PHF21A: variants seen among roughly 807,000 people sequenced by gnomAD.
PHF21A encodes the protein BHC80a.
PHF21A carries 11 observed loss-of-function variants against 82.5 expected under a neutral mutation model. The observed-to-expected ratio is 0.13, with a 90% CI of 0.08 to 0.22. PHF21A has a LOEUF of 0.22. PHF21A is among the 10% of genes least tolerant of loss of function. The pLI, the probability that PHF21A is intolerant of heterozygous loss-of-function variation, is 1.00. For missense variants in PHF21A, 579 were observed against 837.8 expected, an observed-to-expected ratio of 0.69 and a Z score of 3.81; for synonymous variants, 297 against 302.8, an observed-to-expected ratio of 0.98 and a Z score of 0.20.
chr11:46,042,060 A>G (rs1481377953), intron 6 of PHF21A, among the ~76,000 whole-genome samples: 1 of 152,162 alleles, frequency 6.6e-6, no homozygotes, highest in African/African-American at 2.4e-5. Context: ...TTCACAAAAC[A>G]TTTTCTGGAA....
intron 4 of PHF21A, among the ~76,000 whole-genome samples, chr11:46,080,099 C>G (rs2096772430): frequency 6.6e-6 from 1 of 152,054 alleles, no homozygotes; most frequent in Non-Finnish European, 1.5e-5. Context: ...GGTGACAAGG[C>G]ACTTTTAAAT....
chr11:45,947,380 G>A (rs2135419978), intron 14 of PHF21A, among the ~76,000 whole-genome samples: 1 of 152,310 alleles, frequency 6.6e-6, no homozygotes, highest in East Asian at 1.9e-4. Context: ...GTAGGATCAT[G>A]ACTTTGCCAA....
intron 6 of PHF21A, among the ~76,000 whole-genome samples, chr11:46,073,480 A>G (rs1374973401): frequency 6.6e-6 from 1 of 152,196 alleles, no homozygotes; most frequent in Non-Finnish European, 1.5e-5. Flanking sequence ...TTTCTTGTCT[A>G]TTTCTGATCC....
chr11:46,099,523 G>GACACACACACAC (rs71038882), intron 1 of PHF21A, among the ~76,000 whole-genome samples: 11,601 of 137,454 alleles, frequency 0.084, 552 homozygotes, highest in Non-Finnish European at 0.1. Context: ...AGAAAAATTA[G>GACACACACACAC]ACACACACAC....
intron 6 of PHF21A, among the ~76,000 whole-genome samples, chr11:46,009,147 T>C (rs2095361625): frequency 6.6e-6 from 1 of 151,888 alleles, no homozygotes; most frequent in Non-Finnish European, 1.5e-5. Flanking sequence ...GCTAATTTTC[T>C]GTATTTAGTA....
intron 18 of PHF21A, chr11:45,935,395 C>A: frequency 4.0e-6 from 3 of 756,846 alleles, no homozygotes; most frequent in Admixed American, 2.4e-5. Context: ...TGAAAATCCT[C>A]TCTCTGATTA....
intron 6 of PHF21A, among the ~76,000 whole-genome samples, chr11:46,076,027 G>T (rs915078942): frequency 6.6e-6 from 1 of 152,174 alleles, no homozygotes; most frequent in African/African-American, 2.4e-5. Flanking sequence ...AGGGAGAGTG[G>T]TGGGGAAGAA....
chr11:45,961,429 T>C (rs568550353), intron 10 of PHF21A, among the ~76,000 whole-genome samples: 4 of 152,194 alleles, frequency 2.6e-5, no homozygotes, highest in Admixed American at 6.5e-5. Context: ...TGCACCAGTA[T>C]TAAAATGGGG....
intron 6 of PHF21A, among the ~76,000 whole-genome samples, chr11:46,027,657 T>C (rs2095777250): frequency 6.6e-6 from 1 of 152,230 alleles, no homozygotes. Flanking sequence ...GACATTCTCC[T>C]TATTCACCTT....
chr11:45,956,065 T>C (rs1245518376), intron 10 of PHF21A, among the ~76,000 whole-genome samples: 3 of 152,204 alleles, frequency 2.0e-5, no homozygotes, highest in Admixed American at 2.0e-4. Context: ...GAATTCTATA[T>C]CCTGCAAAAC....
intron 6 of PHF21A, among the ~76,000 whole-genome samples, chr11:46,069,406 T>C (rs992868385): frequency 1.3e-5 from 2 of 152,198 alleles, no homozygotes; most frequent in African/African-American, 2.4e-5. Context: ...AATGAGAAGA[T>C]TTCTAAGACA....
At chr11:46,111,180 T>C (rs2136012837) in intron 1 of PHF21A, among the ~76,000 whole-genome samples, 1 of 150,358 alleles carries the variant, frequency 6.7e-6, no homozygotes, top group South Asian at 2.1e-4. Flanking sequence ...TTAAAAAATA[T>C]TTCTTGGGCC....
intron 1 of PHF21A, among the ~76,000 whole-genome samples, chr11:46,109,520 A>G (rs7940620): frequency 0.9 from 137,236 of 152,168 alleles, 62,049 homozygotes; most frequent in East Asian, 1. Context: ...AATAAAATTT[A>G]TATAGTTAGT....
At chr11:46,044,562 G>C (rs565816999) in intron 6 of PHF21A, among the ~76,000 whole-genome samples, 10 of 151,988 alleles carry the variant, frequency 6.6e-5, no homozygotes, top group Non-Finnish European at 1.2e-4. Context: ...TACTCTTTCG[G>C]GCAACCCAGA....
At chr11:46,066,797 A>C (rs1315464222) in intron 6 of PHF21A, among the ~76,000 whole-genome samples, 1 of 152,234 alleles carries the variant, frequency 6.6e-6, no homozygotes, top group Non-Finnish European at 1.5e-5. Context: ...CACTTCTTAG[A>C]GGCAATCACT....
chr11:45,956,415 C>T (rs1251227682), intron 10 of PHF21A, among the ~76,000 whole-genome samples: 3 of 152,078 alleles, frequency 2.0e-5, no homozygotes, highest in Admixed American at 6.5e-5. Flanking sequence ...AGGGGCAGAG[C>T]TGTATAGGAG....
intron 6 of PHF21A, among the ~76,000 whole-genome samples, chr11:46,023,706 A>C (rs1458184539): frequency 1.3e-5 from 2 of 152,266 alleles, no homozygotes; most frequent in African/African-American, 4.8e-5. Context: ...CTGTAATCCC[A>C]ACACTTTTGG....
chr11:46,083,107 A>G (rs1057215112), intron 4 of PHF21A, among the ~76,000 whole-genome samples: 3 of 152,186 alleles, frequency 2.0e-5, no homozygotes, highest in Non-Finnish European at 1.5e-5. Flanking sequence ...TCACTCAGAA[A>G]AAGACGAGCT....
At chr11:46,025,468 T>A (rs1179823695) in intron 6 of PHF21A, among the ~76,000 whole-genome samples, 1 of 152,250 alleles carries the variant, frequency 6.6e-6, no homozygotes, top group Non-Finnish European at 1.5e-5. Flanking sequence ...AGCAGAGATG[T>A]CATCTTCCTG....
Sources: gnomAD v4.1 joint callset for allele counts (sites outside exome capture counted in the v4.1 genomes callset) on GRCh38, gnomAD v4.1.1 for gene constraint, MANE v1.5 for transcripts, NCBI Gene and HGNC (gene_info 2026-07-23, HGNC 2026-07-21) for gene names.